VWA8: variants seen among roughly 807,000 people sequenced by gnomAD.
VWA8 encodes von Willebrand factor A domain-containing protein 8.
VWA8 carries 221 observed loss-of-function variants against 241.5 expected under a neutral mutation model. The ratio of observed to expected loss-of-function variants is 0.91; its 90% confidence interval spans 0.82 to 1.02. VWA8 has a LOEUF of 1.02. Ranked by LOEUF, VWA8 falls within the 50% of genes least tolerant of loss-of-function variation. The pLI, the probability that VWA8 is intolerant of heterozygous loss-of-function variation, is 0.00. For synonymous variants in VWA8, 852 were observed against 827.1 expected (o/e 1.03, Z -0.52); for missense variants, 2,322 against 2,328.7 (o/e 1.00, Z 0.06).
At chr13:41,907,541 A>G (rs760170757) in intron 4 of VWA8, 45 bp downstream of exon 4, 3 of 1,538,842 alleles carry the variant, frequency 1.9e-6, no homozygotes, top group South Asian at 2.2e-5. Flanking sequence ...AATCTTGTAT[A>G]GACCTGGAGT....
At position 41,689,491 on chromosome 13, in the gene VWA8, G is replaced by A. The variant is rs758255400; in HGVS notation, c.3994C>T (p.Pro1332Ser). ...AGTTGATCACTGGAAATTTTATGAGGTATGCTGAACTCTGTTTCTGAAAAG... is the reference window on the plus strand; with the variant it reads ...AGTTGATCACTGGAAATTTTATGAGATATGCTGAACTCTGTTTCTGAAAAG... The part of the protein sequence containing the change: ...GVTQETEFSI[P>S]HKISSDQLSS... The change falls in exon 34 of 45, where the codon CCT becomes TCT. Residue 1332 changes from proline to serine, a missense_variant. Pro to Ser is a moderately conservative substitution (Grantham distance 74). Coordinates refer to ENST00000379310, the MANE Select transcript of VWA8 (RefSeq NM_015058.2). The A allele has an allele frequency of 1.2e-6, 2 of 1,609,656 alleles. No individual in the cohort carries two copies. The highest frequency in any genetic ancestry group is 1.1e-5 in the South Asian group (1 of 90,490).
intron 17 of VWA8, among the ~76,000 whole-genome samples, chr13:41,796,418 A>G (rs893909211): frequency 1.3e-5 from 2 of 152,162 alleles, no homozygotes; most frequent in African/African-American, 4.8e-5. Flanking sequence ...ATTCTTGACC[A>G]ATTTAGGTAA....
intron 35 of VWA8, among the ~76,000 whole-genome samples, chr13:41,681,403 GC>G (rs2045097626): frequency 1.3e-5 from 2 of 151,788 alleles, no homozygotes; most frequent in Admixed American, 6.6e-5. Flanking sequence ...TTTTTCTTTA[GC>G]AACAAATCTC....
At position 41,647,558 on chromosome 13, in the gene VWA8, G is replaced by A. The variant is rs181376552; in HGVS notation, c.4611+23388C>T. Reference sequence around the variant, plus strand: ...TTGACAAATGCTTACTGAGTGTCCAGTAAGTTCAGGGCACTGTGCTAGCAT... The same window carrying A: ...TTGACAAATGCTTACTGAGTGTCCAATAAGTTCAGGGCACTGTGCTAGCAT... On this transcript the variant is annotated intron_variant, in intron 37 of 44. Transcript: ENST00000379310. 1.5e-3 allele frequency among the ~76,000 whole-genome samples: 234 copies of A among 152,318 alleles called. 8 individuals are homozygous for A. The highest frequency in any genetic ancestry group is 3.4e-4 in the Non-Finnish European group (23 of 68,034).
intron 37 of VWA8, among the ~76,000 whole-genome samples, chr13:41,638,336 T>C (rs975803624): frequency 1.3e-5 from 2 of 152,234 alleles, no homozygotes; most frequent in African/African-American, 2.4e-5. Context: ...ACTCCTACCA[T>C]ATCTATGACT....
rs954808696 is a variant in VWA8, at chr13:41,744,829, T to TTTTA, written c.2427-12678_2427-12675dup. 1.7e-4 allele frequency among the ~76,000 whole-genome samples: 26 copies of TTTTA among 151,898 alleles called. No homozygotes were observed. The East Asian group carries it at 2.1e-3, about 12-fold the overall frequency. ...ATACTGACTTGTTTAATTTATTTAT[T>TTTTA]TTTATTTATTTATTTATTTATTTTT... On this transcript the variant is annotated intron_variant, in intron 21 of 44. Coordinates refer to ENST00000379310, the MANE Select transcript of VWA8 (RefSeq NM_015058.2).
intron 4 of VWA8, among the ~76,000 whole-genome samples, chr13:41,892,026 G>GT (rs1370532893): frequency 6.6e-6 from 1 of 152,118 alleles, no homozygotes; most frequent in Admixed American, 6.5e-5. Context: ...CTTGGAGACT[G>GT]TAACATTTGT....
intron 9 of VWA8, among the ~76,000 whole-genome samples, chr13:41,877,461 CATTA>C (rs1873953613): frequency 6.6e-6 from 1 of 151,906 alleles, no homozygotes; most frequent in African/African-American, 2.4e-5. Context: ...GCTCCTCAGA[CATTA>C]ATATTGTAAC....
chr13:41,912,310 TAA>T, intron 2 of VWA8, 142 bp from the exon 3 acceptor site: 7 of 582,524 alleles, frequency 1.2e-5, no homozygotes, highest in Non-Finnish European at 1.7e-5. Flanking sequence ...CATATGTATA[TAA>T]ATATATATAA....
intron 9 of VWA8, 81 bp from the exon 10 acceptor site, chr13:41,868,558 T>C (rs1873424660): frequency 6.9e-7 from 1 of 1,439,232 alleles, no homozygotes. Flanking sequence ...ACACCTTAAT[T>C]ACAAGTGAAA....
At chr13:41,865,692 A>C (rs761364989) in intron 12 of VWA8, 44 bp downstream of exon 12, 6 of 1,605,854 alleles carry the variant, frequency 3.7e-6, no homozygotes, top group Admixed American at 3.4e-5. Context: ...TGGCCTAAGC[A>C]TATATGCTTA....
chr13:41,747,767 G>T (rs1001092941), intron 21 of VWA8, among the ~76,000 whole-genome samples: 4 of 152,126 alleles, frequency 2.6e-5, no homozygotes, highest in African/African-American at 9.7e-5. Flanking sequence ...TTTGAGATAC[G>T]TCCCATCAAT....
At chr13:41,656,926 T>G in intron 37 of VWA8, among the ~76,000 whole-genome samples, 1 of 152,200 alleles carries the variant, frequency 6.6e-6, no homozygotes, top group East Asian at 1.9e-4. Context: ...TCCCCTCCCA[T>G]CCTTATTTCC....
At chr13:41,575,092 T>C (rs2044342151) in intron 43 of VWA8, among the ~76,000 whole-genome samples, 1 of 152,186 alleles carries the variant, frequency 6.6e-6, no homozygotes, top group African/African-American at 2.4e-5. Flanking sequence ...TAAAACTGAA[T>C]AAAATAATGG....
intron 37 of VWA8, among the ~76,000 whole-genome samples, chr13:41,630,940 G>A (rs73464986): frequency 0.033 from 5,028 of 152,222 alleles, 278 homozygotes; most frequent in African/African-American, 0.11. Context: ...TGTCATCTGA[G>A]TGCCTGATGG....
chr13:41,943,726 C>T (rs1476780530), intron 2 of VWA8, among the ~76,000 whole-genome samples: 1 of 152,124 alleles, frequency 6.6e-6, no homozygotes, highest in East Asian at 1.9e-4. Flanking sequence ...TTAATATATA[C>T]TTCACAAAAG....
At chr13:41,664,259 G>A (rs1468534240) in intron 37 of VWA8, among the ~76,000 whole-genome samples, 1 of 151,862 alleles carries the variant, frequency 6.6e-6, no homozygotes, top group Non-Finnish European at 1.5e-5. Context: ...ATGCTGCTTT[G>A]GAGAAACCCA....
chr13:41,595,252 T>A (rs1392648062), intron 40 of VWA8, among the ~76,000 whole-genome samples: 1 of 152,198 alleles, frequency 6.6e-6, no homozygotes, highest in Non-Finnish European at 1.5e-5. Context: ...TTATCTGCCC[T>A]TAAGGTACTC....
At position 41,761,236 on chromosome 13, in the gene VWA8, G is replaced by A. The variant is rs779036069; in HGVS notation, c.2350-32C>T. The stretch of plus-strand genomic sequence containing the variant: ...TTACACAGAAAACATTAAACAAAAA[G>A]AGGCTATTTTCTGGAGATAAGCTTA... On this transcript the variant is annotated intron_variant, in intron 20 of 44. Transcript: ENST00000379310. 69 of 1,599,394 alleles carry A rather than the reference G, an allele frequency of 4.3e-5. No individual in the cohort carries two copies. In the South Asian group the frequency reaches 7.3e-4, roughly 17 times the overall value.
Sources: allele counts gnomAD v4.1 joint callset (sites outside exome capture counted in the v4.1 genomes callset), GRCh38; gene constraint gnomAD v4.1.1; transcripts MANE v1.5; gene names NCBI Gene and HGNC (gene_info 2026-07-23, HGNC 2026-07-21).